The following NXPH1 variants were observed in gnomAD, a reference collection of about 807,000 sequenced individuals.
NXPH1 encodes the protein neurexophilin-1.
NXPH1 carries 5 observed loss-of-function variants against 23.7 expected under a neutral mutation model. The ratio of observed to expected loss-of-function variants is 0.21; its 90% CI spans 0.11 to 0.44. The LOEUF is 0.44. Among genes scored for constraint, NXPH1 ranks in the 20% least tolerant of loss-of-function variants. The probability of loss-of-function intolerance (pLI) is 0.99; values close to 1 mark genes in which losing one functional copy is unlikely to be tolerated. For missense variants in NXPH1, 324 were observed against 321.6 expected, an observed-to-expected ratio of 1.01 and a Z score of -0.06; for synonymous variants, 144 against 122.2, an observed-to-expected ratio of 1.18 and a Z score of -1.18.
chr7:8,638,923 T>C (rs76902211), intron 2 of NXPH1, among the ~76,000 whole-genome samples: 8,162 of 152,158 alleles, frequency 0.054, 442 homozygotes, highest in East Asian at 0.17. Flanking sequence ...ACTCTTTGAC[T>C]ATTGAGAGGT....
chr7:8,616,515 A>G (rs947708585), intron 2 of NXPH1, among the ~76,000 whole-genome samples: 1 of 152,020 alleles, frequency 6.6e-6, no homozygotes, highest in Admixed American at 6.6e-5. Flanking sequence ...TGAAATCCCA[A>G]CTCCAAGTAT....
chr7:8,603,139 A>G (rs57580407), intron 2 of NXPH1, among the ~76,000 whole-genome samples: 3,602 of 152,306 alleles, frequency 0.024, 134 homozygotes, highest in African/African-American at 0.077. Flanking sequence ...AGCTCTTAGC[A>G]TAATGCCTAG....
intron 2 of NXPH1, among the ~76,000 whole-genome samples, chr7:8,632,638 A>G (rs187338711): frequency 6.6e-6 from 1 of 152,302 alleles, no homozygotes; most frequent in East Asian, 1.9e-4. Context: ...ATTAGAAAGC[A>G]TTCTCCTCAA....
intron 2 of NXPH1, among the ~76,000 whole-genome samples, chr7:8,445,916 C>G (rs906847488): frequency 2.6e-5 from 4 of 152,196 alleles, no homozygotes; most frequent in African/African-American, 9.6e-5. Flanking sequence ...ACTACAATGG[C>G]ATGATAGCTG....
chr7:8,656,914 C>A (rs1239497719), intron 2 of NXPH1, among the ~76,000 whole-genome samples: 1 of 152,172 alleles, frequency 6.6e-6, no homozygotes, highest in African/African-American at 2.4e-5. Flanking sequence ...AGGTCTTCAC[C>A]ACTCTGCGAG....
At position 8,710,914 on chromosome 7, in the gene NXPH1, G is replaced by A. The variant is rs536551007; in HGVS notation, c.55-40094G>A. Among the ~76,000 whole-genome samples, 4 of 113,908 alleles carry A rather than the reference G, an allele frequency of 3.5e-5. 1 individual carries two copies. Among genetic ancestry groups the A allele is most frequent in the African/African-American group, 1.0e-4 (2 of 19,696 alleles). 74.7% of individuals were successfully genotyped at this position (113,908 alleles called of 152,430 possible). On this transcript the variant is annotated intron_variant, in intron 2 of 2. Coordinates refer to ENST00000405863, the MANE Select transcript of NXPH1 (RefSeq NM_152745.3). ...CCTGACCTCATGATCCACCCGCCTC[G>A]GCCTCCCAAAGTGCTGGGACTACAG...
At chr7:8,575,512 G>A (rs1381986527) in intron 2 of NXPH1, among the ~76,000 whole-genome samples, 1 of 152,116 alleles carries the variant, frequency 6.6e-6, no homozygotes, top group Non-Finnish European at 1.5e-5. Flanking sequence ...TGAAGTATAT[G>A]AAATTACTTC....
chr7:8,587,787 C>T (rs1390711346), intron 2 of NXPH1, among the ~76,000 whole-genome samples: 1 of 152,166 alleles, frequency 6.6e-6, no homozygotes, highest in Non-Finnish European at 1.5e-5. Context: ...TTTCCGGCTT[C>T]ATCCATGTCC....
chr7:8,709,920 C>T (rs1003467778), intron 2 of NXPH1, among the ~76,000 whole-genome samples: 39 of 152,154 alleles, frequency 2.6e-4, no homozygotes, highest in Non-Finnish European at 5.0e-4. Context: ...CTCAGGAATC[C>T]ATTGAACCAA....
chr7:8,589,642 G>A lies in NXPH1; in HGVS notation c.54+153875G>A, dbSNP rs148262064. Reference sequence around the variant, plus strand: ...AGAGCAGGTGAGTGAGTCAGAAAAAGAACGAAAAAGATAACCTGAAGAGAA... The same window carrying A: ...AGAGCAGGTGAGTGAGTCAGAAAAAAAACGAAAAAGATAACCTGAAGAGAA... On this transcript the variant is annotated intron_variant, in intron 2 of 2. Transcript: ENST00000405863. 2.1e-3 allele frequency among the ~76,000 whole-genome samples: 317 copies of A among 152,136 alleles called. 3 individuals carry two copies. Among genetic ancestry groups the A allele is most frequent in the African/African-American group, 7.2e-3 (299 of 41,530 alleles).
chr7:8,449,095 A>C (rs1816459067), intron 2 of NXPH1, among the ~76,000 whole-genome samples: 1 of 152,262 alleles, frequency 6.6e-6, no homozygotes, highest in Admixed American at 6.5e-5. Context: ...ATAATAGCCT[A>C]CTGGGTTTCA....
At chr7:8,638,027 T>G (rs909879449) in intron 2 of NXPH1, among the ~76,000 whole-genome samples, 1 of 151,944 alleles carries the variant, frequency 6.6e-6, no homozygotes. Context: ...TAAAGAAAAT[T>G]GGAGAATTGA....
intron 2 of NXPH1, among the ~76,000 whole-genome samples, chr7:8,538,094 T>C (rs1029952235): frequency 2.0e-5 from 3 of 151,956 alleles, no homozygotes; most frequent in Non-Finnish European, 4.4e-5. Flanking sequence ...AAAGAACACC[T>C]ATATCAAAAT....
chr7:8,639,377 A>T (rs1316536820), intron 2 of NXPH1, among the ~76,000 whole-genome samples: 1 of 152,170 alleles, frequency 6.6e-6, no homozygotes, highest in African/African-American at 2.4e-5. Flanking sequence ...ACTACAAACA[A>T]AAGGCATGAA....
At chr7:8,448,818 GAAAAAAA>G (rs34098217) in intron 2 of NXPH1, among the ~76,000 whole-genome samples, 45 of 106,062 alleles carry the variant, frequency 4.2e-4, no homozygotes, top group Non-Finnish European at 7.2e-4. Flanking sequence ...TCGTCTCGGG[GAAAAAAA>G]AAAAAAAAAA....
At position 8,752,018 on chromosome 7, in the gene NXPH1, G is replaced by A. The variant is rs921126080; in HGVS notation, c.*249G>A. 1 of 450,640 alleles carries A rather than the reference G, an allele frequency of 2.2e-6. No individual in the cohort carries two copies. The highest frequency in any genetic ancestry group is 1.9e-5 in the African/African-American group (1 of 51,650). 27.9% of individuals were successfully genotyped at this position (450,640 alleles called of 1,614,324 possible). A position where few individuals can be genotyped will look rare whatever the true frequency, so the allele number is the denominator to read the frequency against. On this transcript the variant is annotated 3_prime_UTR_variant, in exon 3 of 3. Coordinates refer to ENST00000405863, the MANE Select transcript of NXPH1 (RefSeq NM_152745.3). ...ACCTGAAGACATGCTCTCACATATA[G>A]AGGTACACAAACACACCGTCATGCA...
rs116099470 is a variant in NXPH1 at position 8,468,019 on chromosome 7, C to T, written c.54+32252C>T. ...GAGCATTTAGTTGTGAGATAAATTG[C>T]GCAAAAAGAAAAATTTGTGATCCAT... On this transcript the variant is annotated intron_variant, in intron 2 of 2. Transcript: ENST00000405863. Among the ~76,000 whole-genome samples, 503 of 151,892 alleles carry T rather than the reference C, an allele frequency of 3.3e-3. 2 individuals carry two copies. Among genetic ancestry groups the T allele is most frequent in the African/African-American group, 0.011 (476 of 41,434 alleles).
rs977628357 is a variant in NXPH1 at position 8,676,693 on chromosome 7, G to C, written c.55-74315G>C. Among the ~76,000 whole-genome samples the C allele has an allele frequency of 3.3e-5, 5 of 152,056 alleles. No homozygotes were observed. The East Asian group carries it at 9.6e-4, about 29-fold the overall frequency. On this transcript the variant is annotated intron_variant, in intron 2 of 2. Transcript: ENST00000405863. ...TCTTTATAGTTTTCTAGTACTTGTA[G>C]GAATATTAGTAAGTTGCTTAACTGG...
intron 2 of NXPH1, among the ~76,000 whole-genome samples, chr7:8,537,860 CCTTA>C (rs1818052270): frequency 6.6e-6 from 1 of 151,690 alleles, no homozygotes; most frequent in African/African-American, 2.4e-5. Flanking sequence ...TACTTTTAGA[CCTTA>C]CTTTTTATAT....
Sources: allele counts gnomAD v4.1 joint callset (sites outside exome capture counted in the v4.1 genomes callset), GRCh38; gene constraint gnomAD v4.1.1; transcripts MANE v1.5; gene names NCBI Gene and HGNC (gene_info 2026-07-23, HGNC 2026-07-21).